Variants in LSS observed in about 807,000 individuals in gnomAD.
LSS encodes the protein lanosterol synthase, also known as 2,3-epoxysqualene-lanosterol cyclase.
Under a neutral mutation model 110.3 loss-of-function variants are expected in LSS, and 90 were observed. The ratio of observed to expected loss-of-function variants is 0.82; its 90% CI spans 0.69 to 0.97. The LOEUF is 0.97. LSS is among the 50% of genes least tolerant of loss of function. The pLI is 0.00. For missense variants in LSS, 927 were observed against 990.0 expected (o/e 0.94, Z 0.85); for synonymous variants, 433 against 400.0 (o/e 1.08, Z -0.98).
chr21:46,205,809 A>C (rs1401044778), intron 17 of LSS, 27 bp downstream of exon 17: 1 of 1,565,086 alleles, frequency 6.4e-7, no homozygotes, highest in East Asian at 2.3e-5. Flanking sequence ...GGCAGCGCCC[A>C]CACTGAATGG....
At chr21:46,205,386 C>T (rs1427517196) in intron 17 of LSS, among the ~76,000 whole-genome samples, 1 of 152,218 alleles carries the variant, frequency 6.6e-6, no homozygotes, top group Non-Finnish European at 1.5e-5. Context: ...CACCCACGAC[C>T]TGGCAGGCAT....
At position 46,219,548 on chromosome 21, in the gene LSS, C is replaced by T. The variant is rs1187570777; in HGVS notation, c.575G>A (p.Trp192Ter). The change falls in exon 6 of 22, where the codon TGG becomes TAG. Residue 192 changes from tryptophan to a stop codon, truncating the protein, a stop_gained. Transcript: ENST00000397728. LOFTEE classifies it high-confidence loss of function. ...KKGGAVAIPS[W>*]GKFWLAVLNV... is the part of the protein sequence containing the mutation. ...CAGGACAGCCAGCCAGAACTTCCCC[C>T]AGGAGGGGATGGCCACAGCACCACC... is the stretch of plus-strand genomic sequence containing the variant. 6.2e-7 allele frequency: 1 copy of T among 1,601,634 alleles called. No individual in the cohort carries two copies. The highest frequency in any genetic ancestry group is 8.5e-7 in the Non-Finnish European group (1 of 1,174,096).
Position 46,222,174 on chromosome 21 carries a change from C to T in LSS, c.429-199G>A, listed in dbSNP as rs370756820. 1.8e-5 allele frequency: 11 copies of T among 600,990 alleles called. No homozygotes were observed. The South Asian group carries it at 2.0e-4, about 11-fold the overall frequency. 37.2% of individuals were successfully genotyped at this position (600,990 alleles called of 1,614,324 possible). The stretch of plus-strand genomic sequence containing the variant: ...CACCTCCCATGACAACTGAGCCCCC[C>T]ACTCCTTCCTCACCGTGACCCGCCT... On this transcript the variant is annotated intron_variant, in intron 4 of 21. Coordinates refer to ENST00000397728, the MANE Select transcript of LSS (RefSeq NM_002340.6).
Position 46,227,634 on chromosome 21 carries a change from G to A in LSS, c.237C>T (p.Asn79=), listed in dbSNP as rs758869315. ...GCAGCCCCACGTAAAATGTCATCCC[G>A]TTCAGAGCCCCCTCAAAGGCGGTGT... ...KAHTAFEGAL[N]GMTFYVGLQA... is the part of the protein sequence containing the mutation. The change falls in exon 3 of 22, where the codon AAC becomes AAT. Residue 79 remains asparagine (N), a synonymous_variant. Coordinates refer to ENST00000397728, the MANE Select transcript of LSS (RefSeq NM_002340.6). 1 of 1,613,458 alleles carries A rather than the reference G, an allele frequency of 6.2e-7. No individual in the cohort carries two copies. Among genetic ancestry groups the A allele is most frequent in the Non-Finnish European group, 8.5e-7 (1 of 1,179,960 alleles).
intron 14 of LSS, 137 bp from the exon 15 acceptor site, chr21:46,207,714 G>C (rs2080071915): frequency 2.0e-6 from 2 of 995,638 alleles, no homozygotes; most frequent in Non-Finnish European, 2.9e-6. Flanking sequence ...AGGTGTGGGT[G>C]CAGCCAGGGC....
At chr21:46,221,160 G>A (rs2080275143) in intron 5 of LSS, among the ~76,000 whole-genome samples, 1 of 142,396 alleles carries the variant, frequency 7.0e-6, no homozygotes, top group South Asian at 2.3e-4. Context: ...CGGGCTTGGA[G>A]AGGTGGACAG....
chr21:46,207,983 G>A (rs2080075989), intron 14 of LSS, among the ~76,000 whole-genome samples: 1 of 152,232 alleles, frequency 6.6e-6, no homozygotes, highest in African/African-American at 2.4e-5. Context: ...CACTTCGGCT[G>A]TCCTTCTGAA....
At chr21:46,208,796 C>T (rs554872770) in intron 13 of LSS, among the ~76,000 whole-genome samples, 8 of 152,262 alleles carry the variant, frequency 5.3e-5, no homozygotes, top group African/African-American at 1.2e-4. Flanking sequence ...AGGAGCAGGC[C>T]ACCATTGGGC....
intron 11 of LSS, among the ~76,000 whole-genome samples, chr21:46,212,276 T>C (rs1013259019): frequency 6.6e-6 from 1 of 152,198 alleles, no homozygotes; most frequent in African/African-American, 2.4e-5. Flanking sequence ...GGCCCACGTG[T>C]ATCCATCCCA....
chr21:46,226,657 G>C (rs1443484436), intron 3 of LSS, among the ~76,000 whole-genome samples: 1 of 152,190 alleles, frequency 6.6e-6, no homozygotes, highest in South Asian at 2.1e-4. Flanking sequence ...AGCAGGGCTT[G>C]GCCTACAGTA....
chr21:46,228,373 G>T, intron 2 of LSS, 61 bp downstream of exon 2: 1 of 1,555,038 alleles, frequency 6.4e-7, no homozygotes, highest in South Asian at 1.1e-5. Flanking sequence ...GAGAAAACGT[G>T]CTCCTCACGG....
At chr21:46,199,829 C>A (rs2079957147) in intron 17 of LSS, among the ~76,000 whole-genome samples, 1 of 152,084 alleles carries the variant, frequency 6.6e-6, no homozygotes, top group South Asian at 2.1e-4. Flanking sequence ...CAGAGGACTC[C>A]GGGGCAGTGA....
rs1351070458 is a variant in LSS, at chr21:46,192,669, G to A, written c.1989-710C>T. 8.8e-6 allele frequency: 4 copies of A among 452,436 alleles called. No individual in the cohort carries two copies. The Admixed American group carries it at 9.4e-5, about 11-fold the overall frequency. 28.0% of individuals were successfully genotyped at this position (452,436 alleles called of 1,614,324 possible). ...CACAGGTGCCTGTGCATGTGTACAT[G>A]TGTGCATAGACCTGTGTGTGCATCT... On this transcript the variant is annotated intron_variant, in intron 20 of 21. Coordinates refer to ENST00000397728, the MANE Select transcript of LSS (RefSeq NM_002340.6).
chr21:46,194,563 C>A lies in LSS; in HGVS notation c.1916G>T (p.Arg639Leu). The A allele has an allele frequency of 6.2e-7, 1 of 1,613,820 alleles. No individual in the cohort carries two copies. ...WGEDFESCEE[R>L]RYLQSAQSQI... ...GGACTGGGCACTCTGCAAATAACGC[C>A]GCTCCTCGCAGGACTCAAAGTCCTC... Residue 639 changes from arginine to leucine, a missense_variant, in exon 20 of 22, where the codon CGG becomes CTG. Coordinates refer to ENST00000397728, the MANE Select transcript of LSS (RefSeq NM_002340.6).
intron 4 of LSS, chr21:46,222,182 C>T (rs2080287583): frequency 5.1e-6 from 3 of 587,558 alleles, no homozygotes; most frequent in Non-Finnish European, 9.0e-6. Context: ...CCCACTCCTT[C>T]CTCACCGTGA....
At chr21:46,228,772 ACTGCCAG>A in exon 1 of LSS, 1 of 1,551,822 alleles carries the variant, frequency 6.4e-7, no homozygotes, top group African/African-American at 1.4e-5. Flanking sequence ...TACGCCGCCC[ACTGCCAG>A]CTGCCAGATG....
At chr21:46,214,599 G>A (rs116201826) in intron 9 of LSS, among the ~76,000 whole-genome samples, 2,093 of 152,288 alleles carry the variant, frequency 0.014, 57 homozygotes, top group African/African-American at 0.049. Flanking sequence ...AGCAGCTGCA[G>A]CACAGCCCAG....
intron 17 of LSS, among the ~76,000 whole-genome samples, chr21:46,202,516 G>A (rs2079992734): frequency 6.6e-6 from 1 of 152,072 alleles, no homozygotes; most frequent in Admixed American, 6.5e-5. Flanking sequence ...CAAAGAAATT[G>A]AGGGGAAAAT....
intron 4 of LSS, 32 bp downstream of exon 4, chr21:46,222,598 A>T: frequency 6.4e-7 from 1 of 1,569,132 alleles, no homozygotes; most frequent in Non-Finnish European, 8.8e-7. Context: ...ACACATGCAC[A>T]TGTGCAGTGA....
Sources: gnomAD v4.1 joint callset for allele counts (sites outside exome capture counted in the v4.1 genomes callset) on GRCh38, gnomAD v4.1.1 for gene constraint, MANE v1.5 for transcripts, NCBI Gene and HGNC (gene_info 2026-07-23, HGNC 2026-07-21) for gene names.